UBE3C: variants seen among roughly 807,000 people sequenced by gnomAD.
The protein encoded by UBE3C is ubiquitin-protein ligase E3C.
UBE3C carries 42 observed loss-of-function variants against 129.4 expected under a neutral mutation model. That is an observed-to-expected ratio of 0.32 (90% CI 0.25 to 0.42). The LOEUF (loss-of-function observed/expected upper bound fraction) is 0.42, where lower values mean the gene tolerates loss of function less well. Ranked by LOEUF, UBE3C falls within the 10% of genes least tolerant of loss-of-function variation. The pLI, the probability that UBE3C is intolerant of heterozygous loss-of-function variation, is 1.00. For synonymous variants in UBE3C, 510 were observed against 492.4 expected (o/e 1.04, Z -0.47); for missense variants, 1,049 against 1,319.1 (o/e 0.80, Z 3.17).
intron 1 of UBE3C, among the ~76,000 whole-genome samples, chr7:157,158,310 C>T (rs1424095909): frequency 6.6e-6 from 1 of 152,164 alleles, no homozygotes; most frequent in East Asian, 1.9e-4. Flanking sequence ...TATTCTATTA[C>T]ATGCCAAATT....
At chr7:157,172,564 A>C (rs1808406640) in intron 4 of UBE3C, among the ~76,000 whole-genome samples, 1 of 152,302 alleles carries the variant, frequency 6.6e-6, no homozygotes, top group African/African-American at 2.4e-5. Context: ...AAGGTGGAAC[A>C]TGGTGAAGAC....
At chr7:157,217,832 C>A (rs371816946) in intron 14 of UBE3C, among the ~76,000 whole-genome samples, 2 of 150,970 alleles carry the variant, frequency 1.3e-5, no homozygotes, top group African/African-American at 4.9e-5. Flanking sequence ...AGCGAAATTC[C>A]GTCTCAAAAA....
intron 1 of UBE3C, among the ~76,000 whole-genome samples, chr7:157,144,663 A>G (rs1807554963): frequency 6.7e-6 from 1 of 150,234 alleles, no homozygotes; most frequent in Non-Finnish European, 1.5e-5. Flanking sequence ...AATTAAGATC[A>G]CTTTAATGTT....
intron 4 of UBE3C, among the ~76,000 whole-genome samples, chr7:157,174,654 A>G (rs148503183): frequency 0.013 from 1,928 of 152,136 alleles, 40 homozygotes; most frequent in African/African-American, 0.044. Context: ...GGGTTTCACC[A>G]TGTTGGCCAG....
At chr7:157,164,516 CTG>C (rs939223203) in intron 2 of UBE3C, 12 of 452,244 alleles carry the variant, frequency 2.7e-5, no homozygotes, top group Admixed American at 7.1e-5. Context: ...TGTGTCTTAA[CTG>C]TTTGTGAAGA....
chr7:157,182,151 C>T lies in UBE3C; in HGVS notation c.814C>T (p.Pro272Ser), dbSNP rs1808680589. 3.1e-6 allele frequency: 5 copies of T among 1,610,150 alleles called. No individual in the cohort carries two copies. Among genetic ancestry groups the T allele is most frequent in the African/African-American group, 1.3e-5 (1 of 74,684 alleles). ...CTTCACAGAGGAGTTTCTGGCAGCA[C>T]CTTTTACAGATCAGATTTTTCATTT... Reference protein sequence around the residue: ...TAFTEEFLAAPFTDQIFHFII... With the variant: ...TAFTEEFLAASFTDQIFHFII... Residue 272 changes from proline to serine, a missense_variant, in exon 8 of 23, where the codon CCT becomes TCT. Physicochemically the swap from Pro to Ser is moderately conservative, Grantham distance 74. Around this residue, in one of 4 missense-constraint regions of UBE3C, gnomAD observed 489 missense variants for 513.8 expected, o/e 0.95. Transcript: ENST00000348165.
At chr7:157,208,360 G>A (rs944715516) in intron 13 of UBE3C, among the ~76,000 whole-genome samples, 1 of 152,026 alleles carries the variant, frequency 6.6e-6, no homozygotes. Flanking sequence ...ATAGGCGTGA[G>A]CCACTGCAGC....
rs538547793 is a variant in UBE3C at position 157,157,629 on chromosome 7, C to T, written c.67-6181C>T. 2.6e-5 allele frequency among the ~76,000 whole-genome samples: 4 copies of T among 152,284 alleles called. No individual in the cohort carries two copies. In the East Asian group the frequency reaches 5.8e-4, roughly 22 times the overall value. ...GACACATTTGCAAGGATATCCACTG[C>T]AGTTTTATTTGAATTAGCCAAAAAC... On this transcript the variant is annotated intron_variant, in intron 1 of 22. Transcript: ENST00000348165.
At chr7:157,207,301 C>T in intron 11 of UBE3C, 97 bp from the exon 12 acceptor site, 1 of 1,493,122 alleles carries the variant, frequency 6.7e-7, no homozygotes, top group Non-Finnish European at 9.0e-7. Context: ...ATGTTACTTT[C>T]CCTGATTATA....
At chr7:157,219,221 C>T (rs1007861022) in intron 14 of UBE3C, among the ~76,000 whole-genome samples, 4 of 152,174 alleles carry the variant, frequency 2.6e-5, no homozygotes, top group Non-Finnish European at 4.4e-5. Flanking sequence ...AATAGCTGCA[C>T]CTCTTCCTTA....
intron 19 of UBE3C, among the ~76,000 whole-genome samples, chr7:157,252,653 G>A (rs1006624691): frequency 6.6e-6 from 1 of 152,224 alleles, no homozygotes; most frequent in Non-Finnish European, 1.5e-5. Context: ...GCACATTTGT[G>A]AAACAATCTT....
rs370111750 is a variant in UBE3C, at chr7:157,254,110, T to G, written c.2851T>G (p.Trp951Gly). The change falls in exon 20 of 23, where the codon TGG becomes GGG. Residue 951 changes from tryptophan (W) to glycine (G), a missense_variant. This residue lies in a region of UBE3C where 243 missense variants were observed against 368.7 expected (regional missense o/e 0.66). Transcript: ENST00000348165. ...CCTTGCCAATGTCGTCAGCCTCGAG[T>G]GGCTCCGAATGTTTGATCAGCAAGA... is the stretch of plus-strand genomic sequence containing the variant. Reference protein sequence around the residue: ...QGLANVVSLEWLRMFDQQEIQ... With the variant: ...QGLANVVSLEGLRMFDQQEIQ... 87 of 1,611,450 alleles carry G rather than the reference T, an allele frequency of 5.4e-5. No homozygotes were observed. The highest frequency in any genetic ancestry group is 7.0e-5 in the Non-Finnish European group (83 of 1,178,820).
chr7:157,186,113 A>G (rs1164033502), intron 9 of UBE3C, among the ~76,000 whole-genome samples: 1 of 152,178 alleles, frequency 6.6e-6, no homozygotes, highest in Non-Finnish European at 1.5e-5. Context: ...AGATTTGTGT[A>G]GCCTTTGATT....
At position 157,175,309 on chromosome 7, in the gene UBE3C, G is replaced by A. The variant is rs531718337; in HGVS notation, c.458+275G>A. Among the ~76,000 whole-genome samples, 3 of 152,110 alleles carry A rather than the reference G, an allele frequency of 2.0e-5. No individual in the cohort carries two copies. In the South Asian group the frequency reaches 6.2e-4, roughly 32 times the overall value. On this transcript the variant is annotated intron_variant, in intron 5 of 22. Coordinates refer to ENST00000348165, the MANE Select transcript of UBE3C (RefSeq NM_014671.3). ...TTATCTTGTGAATGATGGCCATCCT[G>A]GTTACTGGAGAATGGAAGGCCAGCC... is the stretch of plus-strand genomic sequence containing the variant.
At chr7:157,223,680 T>C (rs1795798156) in intron 16 of UBE3C, among the ~76,000 whole-genome samples, 1 of 152,114 alleles carries the variant, frequency 6.6e-6, no homozygotes, top group African/African-American at 2.4e-5. Flanking sequence ...TCCCAGCACT[T>C]TGGGAGGCCG....
At chr7:157,140,566 C>A (rs1807415394) in intron 1 of UBE3C, among the ~76,000 whole-genome samples, 1 of 152,188 alleles carries the variant, frequency 6.6e-6, no homozygotes, top group African/African-American at 2.4e-5. Context: ...GGAGAGACTT[C>A]AGAGAATCTC....
At chr7:157,140,961 G>A (rs1807429194) in intron 1 of UBE3C, among the ~76,000 whole-genome samples, 2 of 152,222 alleles carry the variant, frequency 1.3e-5, no homozygotes, top group South Asian at 4.1e-4. Context: ...GGGCGAGAGG[G>A]AAGCTGGGTA....
rs759972207 is a variant in UBE3C, at chr7:157,186,941, G to A, written c.1251G>A (p.Ala417=). ...TCAACCTGGTGTGGAGGGACTCTGC[G>A]AGCGAGGAGGTCTTCACCACCATGG... ...TLLNLVWRDS[A]SEEVFTTMAS... Residue 417 remains alanine (A), a synonymous_variant, in exon 10 of 23, where the codon GCG becomes GCA. Coordinates refer to ENST00000348165, the MANE Select transcript of UBE3C (RefSeq NM_014671.3). 20 of 1,613,740 alleles carry A rather than the reference G, an allele frequency of 1.2e-5. No homozygotes were observed. Among genetic ancestry groups the A allele is most frequent in the African/African-American group, 2.7e-5 (2 of 74,894 alleles).
chr7:157,155,943 A>G lies in UBE3C; in HGVS notation c.67-7867A>G, dbSNP rs149657882. 6.8e-3 allele frequency among the ~76,000 whole-genome samples: 1,039 copies of G among 152,112 alleles called. 12 individuals carry two copies. The highest frequency in any genetic ancestry group is 0.01 in the Non-Finnish European group (709 of 68,024). Reference sequence around the variant, plus strand: ...TTGATGGACCTTGTCTGTAACTGCTACTAGGCATCCTTACGGGTTCTACAT... The same window carrying G: ...TTGATGGACCTTGTCTGTAACTGCTGCTAGGCATCCTTACGGGTTCTACAT... On this transcript the variant is annotated intron_variant, in intron 1 of 22. Coordinates refer to ENST00000348165, the MANE Select transcript of UBE3C (RefSeq NM_014671.3).
Sources: gnomAD v4.1 joint callset for allele counts (sites outside exome capture counted in the v4.1 genomes callset) on GRCh38, gnomAD v4.1.1 for gene constraint, gnomAD v4.1.1 regional missense constraint, MANE v1.5 for transcripts, NCBI Gene and HGNC (gene_info 2026-07-23, HGNC 2026-07-21) for gene names.